The following PCNX1 variants were observed in gnomAD, a reference collection of about 807,000 sequenced individuals.
The protein encoded by PCNX1 is pecanex 1.
Under a neutral mutation model 242.2 loss-of-function variants are expected in PCNX1, and 78 were observed. The ratio of observed to expected loss-of-function variants is 0.32; its 90% confidence interval spans 0.27 to 0.39. The LOEUF is 0.39. Among genes scored for constraint, PCNX1 ranks in the 10% least tolerant of loss-of-function variants. The pLI is 1.00. For missense variants in PCNX1, 2,581 were observed against 2,856.5 expected (o/e 0.90, Z 2.20); for synonymous variants, 1,024 against 1,032.9 (o/e 0.99, Z 0.17).
At chr14:70,980,353 T>C (rs1414226889) in intron 6 of PCNX1, among the ~76,000 whole-genome samples, 1 of 152,128 alleles carries the variant, frequency 6.6e-6, no homozygotes, top group Non-Finnish European at 1.5e-5. Context: ...TTGTTTTCTT[T>C]TGTTTGTACT....
chr14:71,047,344 A>G lies in PCNX1; in HGVS notation c.4160+239A>G, dbSNP rs2060892402. ...ATATTTTATGAGAGGACATTTTAAAATAAGGTTAATTTTTAATATTATGTG... is the reference window on the plus strand; with the variant it reads ...ATATTTTATGAGAGGACATTTTAAAGTAAGGTTAATTTTTAATATTATGTG... On this transcript the variant is annotated intron_variant, in intron 21 of 35. Transcript: ENST00000304743. Among the ~76,000 whole-genome samples the G allele has an allele frequency of 6.6e-6, 1 of 152,120 alleles. No individual in the cohort carries two copies. The highest frequency in any genetic ancestry group is 1.5e-5 in the Non-Finnish European group (1 of 67,978).
chr14:71,028,941 A>G, intron 16 of PCNX1, 150 bp downstream of exon 16: 1 of 502,696 alleles, frequency 2.0e-6, no homozygotes, highest in Non-Finnish European at 3.5e-6. Flanking sequence ...TCTCATTCTC[A>G]ACTACTTTGA....
At chr14:71,065,268 T>A (rs1298349471) in intron 26 of PCNX1, among the ~76,000 whole-genome samples, 1 of 152,240 alleles carries the variant, frequency 6.6e-6, no homozygotes, top group Non-Finnish European at 1.5e-5. Flanking sequence ...CTTCACATCC[T>A]CTCCAGCATC....
At chr14:71,031,993 A>G in intron 16 of PCNX1, 1 of 1,136,004 alleles carries the variant, frequency 8.8e-7, no homozygotes, top group Non-Finnish European at 1.3e-6. Context: ...GTCTCATGCC[A>G]AGAAAGAATT....
intron 5 of PCNX1, among the ~76,000 whole-genome samples, chr14:70,972,212 G>A (rs894134364): frequency 1.3e-5 from 2 of 150,934 alleles, no homozygotes; most frequent in Admixed American, 6.6e-5. Flanking sequence ...ATGGGGGCCC[G>A]CCAACTGAAA....
At chr14:70,933,569 A>G (rs1462274330) in intron 1 of PCNX1, among the ~76,000 whole-genome samples, 1 of 152,222 alleles carries the variant, frequency 6.6e-6, no homozygotes, top group African/African-American at 2.4e-5. Context: ...ATGCTATAAC[A>G]GTAGAGTTGA....
At position 71,068,629 on chromosome 14, in the gene PCNX1, AATAT is replaced by A. The variant is rs1230744360; in HGVS notation, c.4853-4910_4853-4907del. Among the ~76,000 whole-genome samples, 55 of 99,388 alleles carry A rather than the reference AATAT, an allele frequency of 5.5e-4. 5 individuals are homozygous for A. Among genetic ancestry groups the A allele is most frequent in the African/African-American group, 2.4e-3 (54 of 22,222 alleles). 65.2% of individuals were successfully genotyped at this position (99,388 alleles called of 152,430 possible). ...GTGTGTGTGTGTGTGTGTGTATAAAAATATATATACATATATTGTTGCATGTATA... is the reference window on the plus strand; with the variant it reads ...GTGTGTGTGTGTGTGTGTGTATAAAAATATACATATATTGTTGCATGTATA... On this transcript the variant is annotated intron_variant, in intron 26 of 35. Coordinates refer to ENST00000304743, the MANE Select transcript of PCNX1 (RefSeq NM_014982.3).
intron 1 of PCNX1, among the ~76,000 whole-genome samples, chr14:70,909,268 T>TAA (rs11372712): frequency 1.5e-3 from 217 of 149,644 alleles, no homozygotes; most frequent in Non-Finnish European, 2.4e-3. Context: ...TGTTTGAGGT[T>TAA]AAAAAAAAAA....
intron 24 of PCNX1, among the ~76,000 whole-genome samples, chr14:71,054,010 C>T (rs1394684285): frequency 1.1e-4 from 17 of 152,144 alleles, no homozygotes; most frequent in Admixed American, 1.0e-3. Flanking sequence ...TCTCAAACTC[C>T]TGATCTGAAG....
chr14:71,036,224 G>A, intron 19 of PCNX1, 67 bp downstream of exon 19: 1 of 1,010,492 alleles, frequency 9.9e-7, no homozygotes, highest in South Asian at 1.3e-5. Flanking sequence ...TGTCACCCAG[G>A]CTGGAGTGCA....
At chr14:71,038,474 A>G (rs1738929806) in intron 19 of PCNX1, among the ~76,000 whole-genome samples, 1 of 151,702 alleles carries the variant, frequency 6.6e-6, no homozygotes, top group African/African-American at 2.4e-5. Flanking sequence ...ACATGAAAAA[A>G]TGCTCACCAT....
At chr14:71,008,829 C>T (rs923639072) in intron 8 of PCNX1, among the ~76,000 whole-genome samples, 2 of 151,978 alleles carry the variant, frequency 1.3e-5, no homozygotes, top group South Asian at 4.2e-4. Flanking sequence ...AATTTATGCT[C>T]CCTTTTCATC....
chr14:71,048,701 CA>C (rs2060936309), intron 22 of PCNX1, among the ~76,000 whole-genome samples: 2 of 152,134 alleles, frequency 1.3e-5, no homozygotes, highest in Admixed American at 6.6e-5. Flanking sequence ...CTACAAAACA[CA>C]ATGAAATTCC....
chr14:71,108,986 C>T lies in PCNX1; in HGVS notation c.6684C>T (p.Asn2228=). ...QSSATDAQPG[N]TLSPANNSHS... Reference sequence around the variant, plus strand: ...GTGCCACTGATGCACAGCCAGGCAACACCTTAAGTCCTGCCAACAATTCAC... The same window carrying T: ...GTGCCACTGATGCACAGCCAGGCAATACCTTAAGTCCTGCCAACAATTCAC... The change falls in exon 34 of 36, where the codon AAC becomes AAT. Residue 2228 remains asparagine, a synonymous_variant. Transcript: ENST00000304743. The T allele has an allele frequency of 3.7e-6, 6 of 1,614,140 alleles. No individual in the cohort carries two copies. Among genetic ancestry groups the T allele is most frequent in the Non-Finnish European group, 5.1e-6 (6 of 1,179,996 alleles).
chr14:71,062,915 T>C (rs1482136664), intron 26 of PCNX1, among the ~76,000 whole-genome samples: 2 of 152,226 alleles, frequency 1.3e-5, no homozygotes, highest in Non-Finnish European at 2.9e-5. Flanking sequence ...GATACACAGA[T>C]ACCTACCATT....
intron 2 of PCNX1, among the ~76,000 whole-genome samples, chr14:70,961,747 C>T (rs549672416): frequency 2.6e-5 from 4 of 152,112 alleles, no homozygotes; most frequent in African/African-American, 7.2e-5. Context: ...TTGACCAGGG[C>T]GACTGTTCTC....
chr14:71,069,420 TTTGA>T (rs1490999700), intron 26 of PCNX1, among the ~76,000 whole-genome samples: 3 of 152,200 alleles, frequency 2.0e-5, no homozygotes, highest in African/African-American at 4.8e-5. Flanking sequence ...TCAGAAGATG[TTTGA>T]TTAATTTCAT....
chr14:71,100,676 A>G (rs73297526), intron 30 of PCNX1, among the ~76,000 whole-genome samples: 4,865 of 152,084 alleles, frequency 0.032, 230 homozygotes, highest in African/African-American at 0.11. Context: ...TATTCCCTCA[A>G]ATATGTTTTT....
intron 14 of PCNX1, 113 bp downstream of exon 14, chr14:71,026,401 G>C: frequency 3.2e-6 from 2 of 625,438 alleles, no homozygotes; most frequent in Non-Finnish European, 5.2e-6. Flanking sequence ...TTATTTTACT[G>C]TTATTATGTG....
Sources: allele counts gnomAD v4.1 joint callset (sites outside exome capture counted in the v4.1 genomes callset), GRCh38; gene constraint gnomAD v4.1.1; transcripts MANE v1.5; gene names NCBI Gene and HGNC (gene_info 2026-07-23, HGNC 2026-07-21).